Variants in PSMF1 observed in about 807,000 individuals in gnomAD.
PSMF1 encodes the protein proteasome inhibitor subunit 1.
PSMF1 carries 30 observed loss-of-function variants against 29.3 expected under a neutral mutation model. That is an observed-to-expected ratio of 1.02 (90% CI 0.77 to 1.39). The LOEUF (loss-of-function observed/expected upper bound fraction) is 1.39. Among genes scored for constraint, PSMF1 ranks in the 40% most tolerant of loss-of-function variants. The pLI is 0.00. For synonymous variants in PSMF1, 134 were observed against 139.7 expected (o/e 0.96, Z 0.29); for missense variants, 344 against 357.5 (o/e 0.96, Z 0.31).
chr20:1,165,194 G>A lies in PSMF1; in HGVS notation c.*114G>A. 1 of 1,568,334 alleles carries A rather than the reference G, an allele frequency of 6.4e-7. No individual in the cohort carries two copies. ...TGGGGGCAAGGGATTCTGCTCATGTGTTTGCAGACCGGCTGGGATAGCCTC... is the reference window on the plus strand; with the variant it reads ...TGGGGGCAAGGGATTCTGCTCATGTATTTGCAGACCGGCTGGGATAGCCTC... On this transcript the variant is annotated 3_prime_UTR_variant, in exon 7 of 7. Transcript: ENST00000335877.
At chr20:1,119,564 T>G (rs2086057860) in intron 1 of PSMF1, among the ~76,000 whole-genome samples, 1 of 152,126 alleles carries the variant, frequency 6.6e-6, no homozygotes, top group African/African-American at 2.4e-5. Context: ...GTGAGGGTCA[T>G]ATAAGATTTT....
chr20:1,155,580 G>A (rs531749420), intron 4 of PSMF1, among the ~76,000 whole-genome samples: 42 of 152,196 alleles, frequency 2.8e-4, no homozygotes, highest in Non-Finnish European at 5.4e-4. Context: ...AGCGGGAGGA[G>A]CTCAGAAAGC....
At chr20:1,118,458 C>T (rs994877641), upstream of PSMF1, 3 of 261,942 alleles carry the variant, frequency 1.1e-5, no homozygotes, top group Non-Finnish European at 2.2e-5. Flanking sequence ...GTCAGGCGAT[C>T]CTGTCGACTG....
intron 1 of PSMF1, among the ~76,000 whole-genome samples, chr20:1,125,183 A>G (rs1257843738): frequency 6.6e-6 from 1 of 152,250 alleles, no homozygotes; most frequent in Non-Finnish European, 1.5e-5. Context: ...AGTGTTCCTC[A>G]AGATGACTGG....
chr20:1,164,946 C>T lies in PSMF1; in HGVS notation c.765-83C>T. On this transcript the variant is annotated intron_variant, in intron 6 of 6. Transcript: ENST00000335877. The surrounding 1 kb of genome is among the most constrained non-coding windows in gnomAD (Gnocchi z 4.1). ...CCGCCACATCATGTTGAAGGGCAGG[C>T]TCCCTCAGTGCAGGGTCATGTCTGC... 8.4e-7 allele frequency: 1 copy of T among 1,193,272 alleles called. No homozygotes were observed. The highest frequency in any genetic ancestry group is 1.2e-5 in the South Asian group (1 of 80,820). The allele number at this position is 1,193,272 out of a possible 1,614,324, so 73.9% of individuals were successfully genotyped here.
rs184941703 is a variant in PSMF1, at chr20:1,118,724, C to G, written c.-50C>G. 55 of 1,584,312 alleles carry G rather than the reference C, an allele frequency of 3.5e-5. No homozygotes were observed. In the East Asian group the frequency reaches 1.2e-3, roughly 34 times the overall value. On this transcript the variant is annotated 5_prime_UTR_variant, in exon 1 of 7. Transcript: ENST00000335877. Reference sequence around the variant, plus strand: ...CCCCGGCCGCGGAGCCGGCTCACTGCACTACCCCCGCCCCCTTCTTTCCTC... The same window carrying G: ...CCCCGGCCGCGGAGCCGGCTCACTGGACTACCCCCGCCCCCTTCTTTCCTC...
chr20:1,165,050 C>A lies in PSMF1; in HGVS notation c.786C>A (p.Pro262=). The A allele has an allele frequency of 6.2e-7, 1 of 1,614,114 alleles. No homozygotes were observed. Among genetic ancestry groups the A allele is most frequent in the Non-Finnish European group, 8.5e-7 (1 of 1,180,026 alleles). ...CCAGACCTAACCCAGACCATCTCCC[C>A]CCGCCGGGCTACGATGACATGTACC... ...SPPGPNPDHL[P]PPGYDDMYL Residue 262 remains proline, a synonymous_variant, in exon 7 of 7, where the codon CCC becomes CCA. Transcript: ENST00000335877.
chr20:1,161,036 G>T, intron 4 of PSMF1: 1 of 403,806 alleles, frequency 2.5e-6, no homozygotes, highest in Non-Finnish European at 4.7e-6. Context: ...CATTGTCATG[G>T]ATTCTGGAGA....
chr20:1,165,492 T>A lies in PSMF1; in HGVS notation c.*412T>A, dbSNP rs2072965. On this transcript the variant is annotated 3_prime_UTR_variant, in exon 7 of 7. Transcript: ENST00000335877. ...GTTGCCGGTTTCCCACTTTTCTTTT[T>A]ACATTAATGCATAGCTGCTTCCATT... The A allele has an allele frequency of 9.8e-7, 1 of 1,019,802 alleles. No individual in the cohort carries two copies. The highest frequency in any genetic ancestry group is 1.7e-5 in the African/African-American group (1 of 58,428). 63.2% of individuals were successfully genotyped at this position (1,019,802 alleles called of 1,614,324 possible).
intron 4 of PSMF1, chr20:1,161,758 C>T (rs779920885): frequency 1.1e-5 from 5 of 458,320 alleles, no homozygotes; most frequent in Non-Finnish European, 2.1e-5. Context: ...TATAAATTTG[C>T]CCCTGACAAA....
intron 4 of PSMF1, among the ~76,000 whole-genome samples, chr20:1,155,076 G>A (rs930632464): frequency 6.6e-6 from 1 of 152,242 alleles, no homozygotes; most frequent in Non-Finnish European, 1.5e-5. Flanking sequence ...GCAGATTGGA[G>A]AATAGCAGAG....
At position 1,132,207 on chromosome 20, in the gene PSMF1, G is replaced by A. The variant is rs78091683; in HGVS notation, c.366-2914G>A. The stretch of plus-strand genomic sequence containing the variant: ...GAATAATTCCTCCCACTTTTTCTTC[G>A]TCAAGGTAGTTGTAGCTATTCTAGG... On this transcript the variant is annotated intron_variant, in intron 3 of 6. Coordinates refer to ENST00000335877, the MANE Select transcript of PSMF1 (RefSeq NM_006814.5). Among the ~76,000 whole-genome samples, 247 of 151,222 alleles carry A rather than the reference G, an allele frequency of 1.6e-3. 1 individual carries two copies. Among genetic ancestry groups the A allele is most frequent in the African/African-American group, 5.5e-3 (225 of 41,250 alleles).
At position 1,165,380 on chromosome 20, in the gene PSMF1, A is replaced by G. The variant is rs1339769460; in HGVS notation, c.*300A>G. 21 of 1,311,428 alleles carry G rather than the reference A, an allele frequency of 1.6e-5. No individual in the cohort carries two copies. Among genetic ancestry groups the G allele is most frequent in the Non-Finnish European group, 1.9e-5 (20 of 1,029,290 alleles). 81.2% of individuals were successfully genotyped at this position (1,311,428 alleles called of 1,614,324 possible). ...GGAGACTCCGGCAACCTTCAGCAAC[A>G]TATATCCTCGACCAGATGCAGTGCT... is the stretch of plus-strand genomic sequence containing the variant. On this transcript the variant is annotated 3_prime_UTR_variant, in exon 7 of 7. Coordinates refer to ENST00000335877, the MANE Select transcript of PSMF1 (RefSeq NM_006814.5).
chr20:1,118,153 G>A (rs1261806634), upstream of PSMF1, among the ~76,000 whole-genome samples: 5 of 152,232 alleles, frequency 3.3e-5, no homozygotes, highest in Non-Finnish European at 7.3e-5. Context: ...CCGGCTGGCT[G>A]TTGTCATCTT....
chr20:1,126,266 C>T (rs2086154736), intron 2 of PSMF1, among the ~76,000 whole-genome samples: 2 of 152,164 alleles, frequency 1.3e-5, no homozygotes. Context: ...ACTATAAGTG[C>T]CACAAGGACA....
intron 3 of PSMF1, among the ~76,000 whole-genome samples, chr20:1,128,298 A>G (rs989624212): frequency 7.9e-5 from 12 of 152,176 alleles, no homozygotes; most frequent in Non-Finnish European, 1.5e-4. Flanking sequence ...ATTTTTCCTT[A>G]TAAGTTTAAA....
intron 4 of PSMF1, among the ~76,000 whole-genome samples, chr20:1,148,992 C>T (rs1188272399): frequency 6.6e-6 from 1 of 152,058 alleles, no homozygotes. Context: ...ATAACAAATT[C>T]CTGTGAAAAT....
chr20:1,160,959 C>G lies in PSMF1; in HGVS notation c.552-2171C>G, dbSNP rs59636976. On this transcript the variant is annotated intron_variant, in intron 4 of 6. Coordinates refer to ENST00000335877, the MANE Select transcript of PSMF1 (RefSeq NM_006814.5). ...AGATGGCTCAGATCATGTTTGAGAC[C>G]TTCAATACCCTGGACATGTACGTGG... 1,227 of 429,562 alleles carry G rather than the reference C, an allele frequency of 2.9e-3. 14 individuals carry two copies. Among genetic ancestry groups the G allele is most frequent in the African/African-American group, 0.023 (1,134 of 48,776 alleles). The allele number at this position is 429,562 out of a possible 1,614,324, so 26.6% of individuals were successfully genotyped here.
At position 1,118,844 on chromosome 20, in the gene PSMF1, G is replaced by A. The variant is rs768178021; in HGVS notation, c.71G>A (p.Cys24Tyr). The change falls in exon 1 of 7, where the codon TGC becomes TAC. Residue 24 changes from cysteine to tyrosine, a missense_variant. Cys to Tyr is a radical substitution (Grantham distance 194). Coordinates refer to ENST00000335877, the MANE Select transcript of PSMF1 (RefSeq NM_006814.5). ...ACCTGCAGGCAGGACGCGCTCGTCTGCTTCTTGCATTGGGAAGTGGTGACA... is the reference window on the plus strand; with the variant it reads ...ACCTGCAGGCAGGACGCGCTCGTCTACTTCTTGCATTGGGAAGTGGTGACA... ...AITCRQDALV[C>Y]FLHWEVVTHG... 17 of 1,613,974 alleles carry A rather than the reference G, an allele frequency of 1.1e-5. No individual in the cohort carries two copies. Among genetic ancestry groups the A allele is most frequent in the Non-Finnish European group, 1.4e-5 (17 of 1,179,834 alleles).
Sources: gnomAD v4.1 joint callset for allele counts (sites outside exome capture counted in the v4.1 genomes callset) on GRCh38, gnomAD v4.1.1 for gene constraint, Gnocchi (gnomAD v3.1) non-coding constraint, MANE v1.5 for transcripts, NCBI Gene and HGNC (gene_info 2026-07-23, HGNC 2026-07-21) for gene names.